IL1RAPL2: variants seen among roughly 807,000 people sequenced by gnomAD.
IL1RAPL2 encodes the protein interleukin 1 receptor accessory protein like 2, also known as X-linked interleukin-1 receptor accessory protein-like 2.
Under a neutral mutation model 44.1 loss-of-function variants are expected in IL1RAPL2, and 3 were observed. The ratio of observed to expected loss-of-function variants is 0.07; its 90% CI spans 0.03 to 0.18. The LOEUF (loss-of-function observed/expected upper bound fraction) is 0.18. Among genes scored for constraint, IL1RAPL2 ranks in the 10% least tolerant of loss-of-function variants. The pLI is 1.00. For missense variants in IL1RAPL2, 391 were observed against 496.4 expected (o/e 0.79, Z 2.02); for synonymous variants, 181 against 178.8 (o/e 1.01, Z -0.10).
chrX:104,771,568 T>C (rs1285183220), intron 2 of IL1RAPL2, among the ~76,000 whole-genome samples: 3 of 112,527 alleles, frequency 2.7e-5, no homozygotes, highest in Non-Finnish European at 5.6e-5. Flanking sequence ...GTTACCATAA[T>C]AGTTGGGTTT....
intron 5 of IL1RAPL2, among the ~76,000 whole-genome samples, chrX:105,362,566 C>A (rs939662323): frequency 9.0e-6 from 1 of 110,529 alleles, no homozygotes; most frequent in Non-Finnish European, 1.9e-5. Flanking sequence ...AATAAAGGAC[C>A]CTACAGTGTT....
intron 6 of IL1RAPL2, among the ~76,000 whole-genome samples, chrX:105,510,663 G>T (rs1056775355): frequency 9.0e-6 from 1 of 111,576 alleles, no homozygotes; most frequent in Non-Finnish European, 1.9e-5. Flanking sequence ...AAAGAGAGAG[G>T]CAGAAGAATA....
chrX:105,579,950 C>G (rs1379674449), intron 6 of IL1RAPL2, among the ~76,000 whole-genome samples: 1 of 111,925 alleles, frequency 8.9e-6, no homozygotes, highest in Non-Finnish European at 1.9e-5. Flanking sequence ...TAGCCCAGTT[C>G]TTATTCTTTT....
At chrX:104,828,398 C>T (rs1488842765) in intron 2 of IL1RAPL2, among the ~76,000 whole-genome samples, 1 of 112,081 alleles carries the variant, frequency 8.9e-6, no homozygotes, top group Non-Finnish European at 1.9e-5. Context: ...TTCTGCAAGT[C>T]TGCTGGAGTT....
At chrX:105,004,329 G>A (rs758488811) in intron 2 of IL1RAPL2, among the ~76,000 whole-genome samples, 1 of 110,836 alleles carries the variant, frequency 9.0e-6, no homozygotes, top group African/African-American at 3.3e-5. Context: ...GCTGGCAGTT[G>A]TGTTTTGAAA....
chrX:105,598,829 A>C (rs1260942133), intron 6 of IL1RAPL2, among the ~76,000 whole-genome samples: 2 of 112,373 alleles, frequency 1.8e-5, no homozygotes, highest in Non-Finnish European at 3.8e-5. Flanking sequence ...AATTATGTCA[A>C]ATAATCCCTT....
At chrX:105,283,804 G>A (rs762760964) in intron 5 of IL1RAPL2, among the ~76,000 whole-genome samples, 3 of 110,932 alleles carry the variant, frequency 2.7e-5, no homozygotes, top group Non-Finnish European at 3.8e-5. Flanking sequence ...TATAGGATGA[G>A]CTGCAATAAA....
chrX:105,012,934 G>GA (rs1209098495), intron 2 of IL1RAPL2, among the ~76,000 whole-genome samples: 4 of 110,365 alleles, frequency 3.6e-5, no homozygotes, highest in Admixed American at 9.7e-5. Context: ...AAGTGAAAAG[G>GA]ATTTAGTAAG....
intron 2 of IL1RAPL2, among the ~76,000 whole-genome samples, chrX:105,034,897 G>A (rs756321370): frequency 5.6e-5 from 6 of 107,435 alleles, no homozygotes; most frequent in African/African-American, 1.7e-4. Context: ...CACCCAGTTC[G>A]AGCTTCCCAG....
intron 2 of IL1RAPL2, among the ~76,000 whole-genome samples, chrX:104,907,530 A>T (rs1157905104): frequency 3.6e-5 from 4 of 111,212 alleles, no homozygotes; most frequent in Admixed American, 9.5e-5. Flanking sequence ...TTCAAAGAAC[A>T]CCTTTATTTC....
At chrX:104,938,183 TG>T (rs1257536048) in intron 2 of IL1RAPL2, among the ~76,000 whole-genome samples, 1 of 112,476 alleles carries the variant, frequency 8.9e-6, no homozygotes, top group Non-Finnish European at 1.9e-5. Flanking sequence ...ATATTTATTT[TG>T]GGCAGGAAGC....
intron 5 of IL1RAPL2, among the ~76,000 whole-genome samples, chrX:105,422,886 T>C (rs1324033421): frequency 1.8e-5 from 2 of 110,805 alleles, no homozygotes; most frequent in African/African-American, 6.6e-5. Flanking sequence ...GTGGGAGTTT[T>C]ATAGCTGATT....
At chrX:104,691,768 T>A (rs1569298021) in intron 2 of IL1RAPL2, among the ~76,000 whole-genome samples, 1 of 111,818 alleles carries the variant, frequency 8.9e-6, no homozygotes, top group Non-Finnish European at 1.9e-5. Flanking sequence ...AGACCCTGAA[T>A]TCTGTTCCAA....
intron 2 of IL1RAPL2, among the ~76,000 whole-genome samples, chrX:105,146,675 G>A (rs1407774611): frequency 1.8e-5 from 2 of 111,327 alleles, no homozygotes; most frequent in Non-Finnish European, 3.8e-5. Flanking sequence ...TCCCCCTGGT[G>A]CAGCAAAACC....
intron 2 of IL1RAPL2, among the ~76,000 whole-genome samples, chrX:104,890,726 A>C (rs1461390448): frequency 2.7e-5 from 3 of 111,865 alleles, no homozygotes; most frequent in East Asian, 2.8e-4. Context: ...AGATTGCAAA[A>C]ATTTTATTCC....
chrX:104,988,198 A>G (rs1333461560), intron 2 of IL1RAPL2, among the ~76,000 whole-genome samples: 1 of 112,364 alleles, frequency 8.9e-6, no homozygotes, highest in African/African-American at 3.2e-5. Flanking sequence ...CATCACTGTC[A>G]CATCAACTCA....
chrX:104,738,231 G>T (rs1932048747), intron 2 of IL1RAPL2, among the ~76,000 whole-genome samples: 1 of 111,955 alleles, frequency 8.9e-6, no homozygotes, highest in Non-Finnish European at 1.9e-5. Flanking sequence ...GTGTAAAAGA[G>T]GATGCCCATT....
chrX:105,200,915 CCACACACACACACA>C (rs61216729), intron 3 of IL1RAPL2, among the ~76,000 whole-genome samples: 3 of 104,331 alleles, frequency 2.9e-5, no homozygotes, highest in Non-Finnish European at 5.9e-5. Flanking sequence ...CGTTTCACAC[CCACACACACACACA>C]CACACACACA....
chrX:104,949,615 T>C (rs374288944), intron 2 of IL1RAPL2, among the ~76,000 whole-genome samples: 3 of 108,639 alleles, frequency 2.8e-5, no homozygotes, highest in South Asian at 4.2e-4. Flanking sequence ...TCTGGTATGT[T>C]GTGTCTTTGT....
Sources: gnomAD v4.1 joint callset for allele counts (sites outside exome capture counted in the v4.1 genomes callset) on GRCh38, gnomAD v4.1.1 for gene constraint, MANE v1.5 for transcripts, NCBI Gene and HGNC (gene_info 2026-07-23, HGNC 2026-07-21) for gene names.